MLIP: variants seen among roughly 807,000 people sequenced by gnomAD.
MLIP encodes the protein muscular LMNA-interacting protein.
A neutral mutation model predicts 84.8 loss-of-function variants in MLIP; 79 were observed. The observed-to-expected ratio is 0.93, with a 90% confidence interval of 0.78 to 1.12. MLIP has a LOEUF of 1.12. Among genes scored for constraint, MLIP ranks in the 50% most tolerant of loss-of-function variants. MLIP has a pLI of 0.00. For missense variants in MLIP, 1,257 were observed against 1,160.6 expected, an observed-to-expected ratio of 1.08 and a Z score of -1.21; for synonymous variants, 504 against 463.0, an observed-to-expected ratio of 1.09 and a Z score of -1.14.
intron 11 of MLIP, chr6:54,217,308 T>C: frequency 1.0e-5 from 10 of 985,368 alleles, no homozygotes; most frequent in Non-Finnish European, 1.2e-5. Context: ...ATTTCAGATG[T>C]GCAGGCTTTA....
chr6:54,110,666 T>C (rs746390433), upstream of MLIP, among the ~76,000 whole-genome samples: 9 of 152,228 alleles, frequency 5.9e-5, no homozygotes, highest in Admixed American at 3.3e-4. Flanking sequence ...CTATATCTAG[T>C]CCTTTGGATA....
chr6:54,242,051 G>T (rs922080895), intron 12 of MLIP, among the ~76,000 whole-genome samples: 2 of 152,178 alleles, frequency 1.3e-5, no homozygotes, highest in Non-Finnish European at 2.9e-5. Flanking sequence ...AACTCCTTTT[G>T]TTTCCCCATC....
At chr6:54,133,953 G>A (rs1225761037) in intron 3 of MLIP, among the ~76,000 whole-genome samples, 1 of 152,140 alleles carries the variant, frequency 6.6e-6, no homozygotes, top group East Asian at 1.9e-4. Context: ...CTAGAGAGGT[G>A]TTTGAAGCAA....
At chr6:54,214,830 G>A (rs1044181519) in intron 11 of MLIP, among the ~76,000 whole-genome samples, 2 of 152,172 alleles carry the variant, frequency 1.3e-5, no homozygotes, top group Non-Finnish European at 2.9e-5. Flanking sequence ...ACATTTATGA[G>A]CATGTGGTCT....
Position 54,137,346 on chromosome 6 carries a change from C to T in MLIP, c.1277C>T (p.Ser426Phe). The T allele has an allele frequency of 6.5e-7, 1 of 1,536,084 alleles. No individual in the cohort carries two copies. Among genetic ancestry groups the T allele is most frequent in the South Asian group, 1.2e-5 (1 of 84,052 alleles). ...ACTGCCATTCTCAAGTCAAACCCTT[C>T]CCACCAAAGACCCTTTTCCCCTGCA... Reference protein sequence around the residue: ...LLTAILKSNPSHQRPFSPASC... With the variant: ...LLTAILKSNPFHQRPFSPASC... Residue 426 changes from serine (S) to phenylalanine (F), a missense_variant, in exon 4 of 14, where the codon TCC becomes TTC. Ser to Phe is a radical substitution (Grantham distance 155, BLOSUM62 -2). Transcript: ENST00000502396.
chr6:54,190,844 A>G (rs908415698), intron 10 of MLIP, among the ~76,000 whole-genome samples: 13 of 144,196 alleles, frequency 9.0e-5, no homozygotes, highest in South Asian at 8.6e-4. Context: ...CGGCGAGGCT[A>G]GAGTGCAGTG....
At chr6:54,092,080 C>T (rs1212375470) in intron 1 of MLIP, among the ~76,000 whole-genome samples, 2 of 151,918 alleles carry the variant, frequency 1.3e-5, no homozygotes, top group Non-Finnish European at 2.9e-5. Context: ...AATTAAATAT[C>T]CAAGAGAGAG....
chr6:54,198,502 AC>A (rs1778451425), intron 10 of MLIP, among the ~76,000 whole-genome samples: 1 of 152,036 alleles, frequency 6.6e-6, no homozygotes, highest in Non-Finnish European at 1.5e-5. Context: ...GCACTTTGAG[AC>A]CCTTGTTTGG....
intron 1 of MLIP, among the ~76,000 whole-genome samples, chr6:54,027,065 T>C (rs148859494): frequency 1.2e-4 from 18 of 152,338 alleles, no homozygotes; most frequent in Middle Eastern, 3.4e-3. Context: ...TTGAAATAGT[T>C]TCTATTTTTA....
intron 9 of MLIP, among the ~76,000 whole-genome samples, chr6:54,189,637 A>G (rs1008241005): frequency 6.6e-6 from 1 of 152,198 alleles, no homozygotes; most frequent in Non-Finnish European, 1.5e-5. Context: ...TAAACATCAT[A>G]TTCACTATTA....
In MLIP at chr6:54,227,952, G is replaced by A. The variant is rs187906541; in HGVS notation, c.2719-2762G>A. 3.1e-3 allele frequency among the ~76,000 whole-genome samples: 475 copies of A among 152,190 alleles called. 4 individuals carry two copies. The highest frequency in any genetic ancestry group is 0.02 in the Middle Eastern group (6 of 294). The stretch of plus-strand genomic sequence containing the variant: ...CAATCCCAGCACTTTGGGAGGCCGA[G>A]GCGAGCGGATCATGAGGTCAGGAGA... On this transcript the variant is annotated intron_variant, in intron 11 of 13. Coordinates refer to ENST00000502396, the MANE Select transcript of MLIP (RefSeq NM_001281747.2).
chr6:54,216,381 C>T, intron 11 of MLIP: 5 of 985,292 alleles, frequency 5.1e-6, no homozygotes, highest in Non-Finnish European at 6.0e-6. Flanking sequence ...CAGAATCCAA[C>T]TATATGTATA....
intron 9 of MLIP, among the ~76,000 whole-genome samples, chr6:54,175,534 C>T (rs1254995515): frequency 6.6e-6 from 1 of 151,726 alleles, no homozygotes; most frequent in Admixed American, 6.6e-5. Context: ...ACTCTTTTGA[C>T]TTCTTTTTTA....
intron 9 of MLIP, among the ~76,000 whole-genome samples, chr6:54,181,936 G>A (rs1285855051): frequency 2.0e-5 from 3 of 152,200 alleles, no homozygotes; most frequent in Non-Finnish European, 4.4e-5. Flanking sequence ...GCAGAAGCAA[G>A]GAGTCACTTT....
chr6:54,235,947 A>C (rs2150819749), intron 12 of MLIP, among the ~76,000 whole-genome samples: 1 of 152,210 alleles, frequency 6.6e-6, no homozygotes, highest in South Asian at 2.1e-4. Context: ...GTCCTTATCA[A>C]CTGTAGGTCA....
intron 9 of MLIP, 99 bp from the exon 10 acceptor site, chr6:54,189,771 T>G: frequency 2.3e-6 from 2 of 859,016 alleles, no homozygotes; most frequent in Non-Finnish European, 3.8e-6. Flanking sequence ...AATCCTATCA[T>G]GGACATATAA....
Position 54,210,730 on chromosome 6 carries a change from G to GGAA in MLIP, c.2718+8497_2718+8498insGAA, listed in dbSNP as rs376473532. ...TTTACAATAAAGACTCCAACGGAGG[G>GGAA]AAAAAAAAAAAAAAAATGTTCTAAT... is the stretch of plus-strand genomic sequence containing the variant. On this transcript the variant is annotated intron_variant, in intron 11 of 13. Transcript: ENST00000502396. Among the ~76,000 whole-genome samples, 26 of 131,254 alleles carry GGAA rather than the reference G, an allele frequency of 2.0e-4. 1 individual carries two copies. Among genetic ancestry groups the GGAA allele is most frequent in the African/African-American group, 6.4e-4 (23 of 36,166 alleles). 86.1% of individuals were successfully genotyped at this position (131,254 alleles called of 152,430 possible).
intron 1 of MLIP, among the ~76,000 whole-genome samples, chr6:54,048,991 T>A (rs1482289864): frequency 1.3e-5 from 2 of 152,202 alleles, no homozygotes; most frequent in Admixed American, 6.5e-5. Context: ...AATGCTGATG[T>A]CCTGGGTCAT....
chr6:54,141,468 G>T (rs142046972), intron 4 of MLIP, among the ~76,000 whole-genome samples: 1 of 151,818 alleles, frequency 6.6e-6, no homozygotes, highest in African/African-American at 2.4e-5. Context: ...CATAACATCC[G>T]GCTAATTTTT....
Sources: gnomAD v4.1 joint callset for allele counts (sites outside exome capture counted in the v4.1 genomes callset) on GRCh38, gnomAD v4.1.1 for gene constraint, MANE v1.5 for transcripts, NCBI Gene and HGNC (gene_info 2026-07-23, HGNC 2026-07-21) for gene names.